Variants in CACNA1C observed in about 807,000 individuals in gnomAD.
CACNA1C encodes voltage-dependent L-type calcium channel subunit alpha-1C.
CACNA1C carries 30 observed loss-of-function variants against 229.0 expected under a neutral mutation model. The observed-to-expected ratio is 0.13, with a 90% CI of 0.10 to 0.18. The LOEUF is 0.18. Among genes scored for constraint, CACNA1C ranks in the 10% least tolerant of loss-of-function variants. The pLI is 1.00. For synonymous variants in CACNA1C, 1,114 were observed against 1,132.5 expected (o/e 0.98, Z 0.33); for missense variants, 1,658 against 2,845.0 (o/e 0.58, Z 9.49).
chr12:2,432,004 A>G (rs1567643169), intron 3 of CACNA1C, among the ~76,000 whole-genome samples: 1 of 152,018 alleles, frequency 6.6e-6, no homozygotes, highest in Non-Finnish European at 1.5e-5. Context: ...TTTTCCCACA[A>G]CTTCCCTTTT....
At chr12:1,997,107 C>A (rs1459125909) in intron 1 of CACNA1C, among the ~76,000 whole-genome samples, 2 of 152,048 alleles carry the variant, frequency 1.3e-5, no homozygotes, top group Non-Finnish European at 2.9e-5. Context: ...TATCTGATAA[C>A]AAGAAATGAC....
At chr12:2,576,783 G>A (rs1231255703) in intron 13 of CACNA1C, among the ~76,000 whole-genome samples, 1 of 152,026 alleles carries the variant, frequency 6.6e-6, no homozygotes, top group Non-Finnish European at 1.5e-5. Flanking sequence ...CTCAAAGGCT[G>A]CCACCTGGAC....
chr12:2,311,983 T>G (rs982298121), intron 3 of CACNA1C, among the ~76,000 whole-genome samples: 1 of 152,210 alleles, frequency 6.6e-6, no homozygotes, highest in Admixed American at 6.5e-5. Context: ...CTCTTTGGGA[T>G]TATGTAAACT....
Position 2,000,286 on chromosome 12 carries a change from A to G in CACNA1C, c.139+29085A>G, listed in dbSNP as rs146532985. 1.9e-4 allele frequency among the ~76,000 whole-genome samples: 29 copies of G among 152,346 alleles called. No homozygotes were observed. The East Asian group carries it at 5.4e-3, about 28-fold the overall frequency. ...AGAACTAGGACTTTGCAGAACCTCTATGTAGTCAGGATCACTCCCCACAAG... is the reference window on the plus strand; with the variant it reads ...AGAACTAGGACTTTGCAGAACCTCTGTGTAGTCAGGATCACTCCCCACAAG... On this transcript the variant is annotated intron_variant, in intron 1 of 46. Coordinates refer to the CACNA1C transcript ENST00000682462.
intron 3 of CACNA1C, among the ~76,000 whole-genome samples, chr12:2,363,089 C>T (rs1468176991): frequency 6.6e-6 from 1 of 152,190 alleles, no homozygotes; most frequent in Admixed American, 6.5e-5. Context: ...CTTGCACTCC[C>T]ACATGGTCAC....
At chr12:2,395,701 T>G (rs1042467012) in intron 3 of CACNA1C, among the ~76,000 whole-genome samples, 1 of 152,164 alleles carries the variant, frequency 6.6e-6, no homozygotes, top group Non-Finnish European at 1.5e-5. Context: ...TTTTCCAGTC[T>G]GAGGCTTCCC....
chr12:2,431,251 C>G (rs1410453599), intron 3 of CACNA1C, among the ~76,000 whole-genome samples: 1 of 152,120 alleles, frequency 6.6e-6, no homozygotes, highest in Non-Finnish European at 1.5e-5. Flanking sequence ...AACCAGTACC[C>G]CAAAATATCT....
intron 5 of CACNA1C, 141 bp from the exon 6 acceptor site, chr12:2,485,963 G>A: frequency 1.6e-6 from 1 of 606,254 alleles, no homozygotes; most frequent in African/African-American, 1.9e-5. Context: ...TCCTTGGCGT[G>A]TGGCTCTGAG....
chr12:2,342,514 T>C (rs1190103584), intron 3 of CACNA1C, among the ~76,000 whole-genome samples: 1 of 152,236 alleles, frequency 6.6e-6, no homozygotes, highest in Non-Finnish European at 1.5e-5. Context: ...TGAATGTGAC[T>C]ATGCCTAGCA....
intron 3 of CACNA1C, among the ~76,000 whole-genome samples, chr12:2,442,395 G>A (rs1232753009): frequency 6.6e-6 from 1 of 152,052 alleles, no homozygotes; most frequent in Non-Finnish European, 1.5e-5. Context: ...TGAACAGGGA[G>A]AGAAGGAAGA....
chr12:2,400,699 T>C (rs923774681), intron 3 of CACNA1C, among the ~76,000 whole-genome samples: 1 of 152,116 alleles, frequency 6.6e-6, no homozygotes, highest in Admixed American at 6.5e-5. Flanking sequence ...TCCCTCTTAT[T>C]TATCCATCTG....
At chr12:1,986,949 G>A (rs1368274141) in intron 1 of CACNA1C, among the ~76,000 whole-genome samples, 1 of 152,096 alleles carries the variant, frequency 6.6e-6, no homozygotes, top group Non-Finnish European at 1.5e-5. Context: ...TTGCTATGGG[G>A]GGTTATGAAA....
chr12:2,580,144 A>G (rs913438880), intron 13 of CACNA1C, among the ~76,000 whole-genome samples: 4 of 152,228 alleles, frequency 2.6e-5, no homozygotes, highest in African/African-American at 9.6e-5. Context: ...TTTAGAGCCT[A>G]TTTTGGTGAG....
At chr12:2,360,149 A>T (rs1228553400) in intron 3 of CACNA1C, among the ~76,000 whole-genome samples, 1 of 120,278 alleles carries the variant, frequency 8.3e-6, no homozygotes, top group Admixed American at 8.3e-5. Context: ...ACACACAAAC[A>T]CACCCCACCC....
chr12:2,194,586 C>T (rs924953215), intron 3 of CACNA1C, among the ~76,000 whole-genome samples: 4 of 152,172 alleles, frequency 2.6e-5, no homozygotes, highest in African/African-American at 9.7e-5. Context: ...TATCTTCCTT[C>T]CTTCCCCCTT....
At chr12:2,549,811 C>G in intron 9 of CACNA1C, 132 bp from the exon 10 acceptor site, 2 of 684,094 alleles carry the variant, frequency 2.9e-6, no homozygotes, top group Non-Finnish European at 5.3e-6. Flanking sequence ...GATCAGCCAG[C>G]CAGCGTGCTC....
rs1336974710 is a variant in CACNA1C at position 2,479,702 on chromosome 12, T to C, written c.758-6402T>C. On this transcript the variant is annotated intron_variant, in intron 5 of 46. Transcript: ENST00000399655. This position sits in a 1 kb window ranked among gnomAD's most constrained non-coding sequence, Gnocchi z 4.3. The stretch of plus-strand genomic sequence containing the variant: ...TCCTGCCCCAGTCTTGAAAGTGGGC[T>C]GTCGCCTTAATGCTGGCTTGAAGCA... Among the ~76,000 whole-genome samples, 1 of 152,236 alleles carries C rather than the reference T, an allele frequency of 6.6e-6. No homozygotes were observed. Among genetic ancestry groups the C allele is most frequent in the Non-Finnish European group, 1.5e-5 (1 of 68,046 alleles).
chr12:2,078,599 G>T (rs974866037), intron 1 of CACNA1C, among the ~76,000 whole-genome samples: 19 of 152,128 alleles, frequency 1.2e-4, no homozygotes, highest in African/African-American at 4.3e-4. Context: ...GTTGTTCAAT[G>T]GATATAGAGT....
chr12:2,399,008 C>T (rs545706923), intron 3 of CACNA1C, among the ~76,000 whole-genome samples: 10 of 152,334 alleles, frequency 6.6e-5, no homozygotes, highest in Admixed American at 6.5e-4. Flanking sequence ...GACCCTCTCC[C>T]TGAGATGGAA....
Sources: allele counts gnomAD v4.1 joint callset (sites outside exome capture counted in the v4.1 genomes callset), GRCh38; gene constraint gnomAD v4.1.1; non-coding constraint Gnocchi (gnomAD v3.1); transcripts MANE v1.5; gene names NCBI Gene and HGNC (gene_info 2026-07-23, HGNC 2026-07-21).